CAMKMT: variants seen among roughly 807,000 people sequenced by gnomAD.
The protein encoded by CAMKMT is CaM KMT.
A neutral mutation model predicts 48.0 loss-of-function variants in CAMKMT; 53 were observed. That is an observed-to-expected ratio of 1.10 (90% confidence interval 0.89 to 1.39). CAMKMT has a LOEUF of 1.39. Among genes scored for constraint, CAMKMT ranks in the 40% most tolerant of loss-of-function variants. CAMKMT has a pLI of 0.00. For missense variants in CAMKMT, 428 were observed against 402.7 expected (o/e 1.06, Z -0.54); for synonymous variants, 165 against 152.3 (o/e 1.08, Z -0.61).
intron 3 of CAMKMT, among the ~76,000 whole-genome samples, chr2:44,662,353 C>G (rs1490357667): frequency 6.6e-6 from 1 of 152,218 alleles, no homozygotes; most frequent in Non-Finnish European, 1.5e-5. Flanking sequence ...CAACTGCTTT[C>G]TTACTGCCAT....
chr2:44,620,195 T>G (rs544296798), intron 3 of CAMKMT, among the ~76,000 whole-genome samples: 17 of 152,320 alleles, frequency 1.1e-4, no homozygotes, highest in African/African-American at 3.6e-4. Context: ...TACCAGTGAT[T>G]AAGATTGTGA....
At chr2:44,372,282 G>C (rs548355083) in intron 1 of CAMKMT, among the ~76,000 whole-genome samples, 1 of 152,024 alleles carries the variant, frequency 6.6e-6, no homozygotes, top group South Asian at 2.1e-4. Flanking sequence ...CCAGGAGTTT[G>C]AATCCAGCCT....
chr2:44,486,051 G>A (rs1669200700), intron 3 of CAMKMT, among the ~76,000 whole-genome samples: 2 of 152,114 alleles, frequency 1.3e-5, no homozygotes, highest in Non-Finnish European at 2.9e-5. Flanking sequence ...TGCAACCTCT[G>A]TCCCCTGGGT....
chr2:44,430,814 G>A (rs912991432), intron 3 of CAMKMT, among the ~76,000 whole-genome samples: 2 of 152,106 alleles, frequency 1.3e-5, no homozygotes, highest in Non-Finnish European at 2.9e-5. Flanking sequence ...GGTGGCAAAT[G>A]TAGCATATCC....
chr2:44,573,067 C>T (rs1030973939), intron 3 of CAMKMT, among the ~76,000 whole-genome samples: 1 of 150,154 alleles, frequency 6.7e-6, no homozygotes, highest in African/African-American at 2.5e-5. Context: ...TTTTCATGTG[C>T]TGCTATTAGT....
intron 3 of CAMKMT, among the ~76,000 whole-genome samples, chr2:44,448,130 C>T (rs1344347936): frequency 6.6e-6 from 1 of 152,068 alleles, no homozygotes; most frequent in Admixed American, 6.6e-5. Context: ...GGGGAACTAA[C>T]CAGTTCTATA....
chr2:44,505,123 T>A (rs1306191797), intron 3 of CAMKMT, among the ~76,000 whole-genome samples: 1 of 152,180 alleles, frequency 6.6e-6, no homozygotes, highest in Non-Finnish European at 1.5e-5. Flanking sequence ...CCCATCCCTG[T>A]GAACCAAACA....
chr2:44,539,911 C>T (rs1666999176), intron 3 of CAMKMT, among the ~76,000 whole-genome samples: 1 of 152,046 alleles, frequency 6.6e-6, no homozygotes, highest in African/African-American at 2.4e-5. Flanking sequence ...GTGATGGCTT[C>T]CAGGTTTTCC....
At chr2:44,478,046 T>TA (rs1380116089) in intron 3 of CAMKMT, among the ~76,000 whole-genome samples, 1 of 152,226 alleles carries the variant, frequency 6.6e-6, no homozygotes, top group Non-Finnish European at 1.5e-5. Context: ...ATTTAATGTG[T>TA]AAAATTAAAA....
At chr2:44,557,274 T>C (rs957960481) in intron 3 of CAMKMT, among the ~76,000 whole-genome samples, 3 of 152,176 alleles carry the variant, frequency 2.0e-5, no homozygotes, top group African/African-American at 7.2e-5. Flanking sequence ...TGGTACATTT[T>C]CTAGTTTTGT....
intron 3 of CAMKMT, among the ~76,000 whole-genome samples, chr2:44,637,447 A>T (rs1236829190): frequency 6.6e-6 from 1 of 152,258 alleles, no homozygotes; most frequent in African/African-American, 2.4e-5. Flanking sequence ...CTTTTCCCCA[A>T]TGTTAGTTTA....
In CAMKMT at chr2:44,446,563, C is replaced by G. The variant is rs908036925; in HGVS notation, c.376+56258C>G. Among the ~76,000 whole-genome samples the G allele has an allele frequency of 3.3e-5, 5 of 152,084 alleles. No homozygotes were observed. In the East Asian group the frequency reaches 9.7e-4, roughly 29 times the overall value. Reference sequence around the variant, plus strand: ...GTTTTGCCATGTTGGCCAGGCTGGTCTTGAACTCCTGGCCTCAAGTGATCC... The same window carrying G: ...GTTTTGCCATGTTGGCCAGGCTGGTGTTGAACTCCTGGCCTCAAGTGATCC... On this transcript the variant is annotated intron_variant, in intron 3 of 10. Transcript: ENST00000378494.
intron 3 of CAMKMT, among the ~76,000 whole-genome samples, chr2:44,649,447 A>T (rs1673936214): frequency 6.6e-6 from 1 of 151,998 alleles, no homozygotes; most frequent in Non-Finnish European, 1.5e-5. Context: ...TCTGTAAATG[A>T]CATTAATGGA....
intron 3 of CAMKMT, among the ~76,000 whole-genome samples, chr2:44,445,645 G>GTTTTTTTTTTT (rs869258613): frequency 2.0e-5 from 2 of 101,426 alleles, no homozygotes; most frequent in Non-Finnish European, 4.0e-5. Flanking sequence ...CAAAAGGGTA[G>GTTTTTTTTTTT]TTTTTTTTTT....
At chr2:44,469,223 C>T (rs1288859760) in intron 3 of CAMKMT, among the ~76,000 whole-genome samples, 1 of 152,056 alleles carries the variant, frequency 6.6e-6, no homozygotes, top group African/African-American at 2.4e-5. Flanking sequence ...ATCAAAGTAT[C>T]ATACTGTATC....
intron 3 of CAMKMT, among the ~76,000 whole-genome samples, chr2:44,454,640 AT>A (rs901560782): frequency 6.6e-6 from 1 of 151,846 alleles, no homozygotes; most frequent in Non-Finnish European, 1.5e-5. Context: ...TAGTCAGTAG[AT>A]TTTTTTTCCA....
chr2:44,710,341 A>G (rs1397100054), intron 6 of CAMKMT, among the ~76,000 whole-genome samples: 1 of 152,140 alleles, frequency 6.6e-6, no homozygotes, highest in African/African-American at 2.4e-5. Context: ...GATTTATTAA[A>G]CAGAGATGTC....
chr2:44,728,839 CTTTTTT>C (rs70937931), intron 7 of CAMKMT, among the ~76,000 whole-genome samples: 1 of 58,310 alleles, frequency 1.7e-5, no homozygotes, highest in Non-Finnish European at 3.5e-5. Context: ...GGGGTCTATC[CTTTTTT>C]TTTTTTTTTT....
At chr2:44,577,685 G>C (rs1669305051) in intron 3 of CAMKMT, among the ~76,000 whole-genome samples, 1 of 150,154 alleles carries the variant, frequency 6.7e-6, no homozygotes. Flanking sequence ...GAGACAGAGA[G>C]GGAGAGGGAG....
Sources: allele counts gnomAD v4.1 joint callset (sites outside exome capture counted in the v4.1 genomes callset), GRCh38; gene constraint gnomAD v4.1.1; transcripts MANE v1.5; gene names NCBI Gene and HGNC (gene_info 2026-07-23, HGNC 2026-07-21).